LRP1: variants seen among roughly 807,000 people sequenced by gnomAD.
LRP1 encodes prolow-density lipoprotein receptor-related protein 1.
A neutral mutation model predicts 541.5 loss-of-function variants in LRP1; 51 were observed. That is an observed-to-expected ratio of 0.09 (90% CI 0.08 to 0.12). The LOEUF is 0.12. Ranked by LOEUF, LRP1 falls within the 10% of genes least tolerant of loss-of-function variation. The pLI, the probability that LRP1 is intolerant of heterozygous loss-of-function variation, is 1.00. For missense variants in LRP1, 3,878 were observed against 6,376.2 expected (o/e 0.61, Z 13.34); for synonymous variants, 2,219 against 2,470.8 (o/e 0.90, Z 3.02).
chr12:57,183,345 C>T lies in LRP1; in HGVS notation c.5663-34C>T, dbSNP rs374396510. 1.5e-5 allele frequency: 24 copies of T among 1,584,634 alleles called. No homozygotes were observed. The highest frequency in any genetic ancestry group is 3.4e-5 in the South Asian group (3 of 89,086). ...GGAACCAAGTTTAAGGGAGTGTTGG[C>T]GATACCCATGCCTTAAGTTTCCTTG... On this transcript the variant is annotated intron_variant, in intron 34 of 88. Transcript: ENST00000243077. This position sits in a 1 kb window ranked among gnomAD's most constrained non-coding sequence, Gnocchi z 6.1.
At chr12:57,209,666 C>A in intron 79 of LRP1, 26 bp from the exon 80 acceptor site, 1 of 1,610,428 alleles carries the variant, frequency 6.2e-7, no homozygotes, top group Non-Finnish European at 8.5e-7. Context: ...CCCTCAGGTC[C>A]CCTCTGACTC....
Position 57,212,093 on chromosome 12 carries a change from C to G in LRP1, c.13350-24C>G, listed in dbSNP as rs769803556. 6.2e-7 allele frequency: 1 copy of G among 1,613,692 alleles called. No homozygotes were observed. The highest frequency in any genetic ancestry group is 1.1e-5 in the South Asian group (1 of 91,030). On this transcript the variant is annotated intron_variant, in intron 87 of 88. Transcript: ENST00000243077. The surrounding 1 kb of genome is among the most constrained non-coding windows in gnomAD (Gnocchi z 5.0). Reference sequence around the variant, plus strand: ...CCTTCCCCCCCAATAATCTCTGTCTCCTTATACTCCTGCCTTTCCCCAGGG... The same window carrying G: ...CCTTCCCCCCCAATAATCTCTGTCTGCTTATACTCCTGCCTTTCCCCAGGG...
chr12:57,150,836 A>G (rs548208573), intron 6 of LRP1, among the ~76,000 whole-genome samples: 3 of 152,144 alleles, frequency 2.0e-5, no homozygotes, highest in Admixed American at 1.3e-4. Flanking sequence ...TTGGAAGGTG[A>G]CAGAACCAGA....
Position 57,156,969 on chromosome 12 carries a change from G to T in LRP1, c.1561+49G>T. On this transcript the variant is annotated intron_variant, in intron 10 of 88. Coordinates refer to ENST00000243077, the MANE Select transcript of LRP1 (RefSeq NM_002332.3). This position sits in a 1 kb window ranked among gnomAD's most constrained non-coding sequence, Gnocchi z 5.2. ...GTGCCCATTGGGAGGCTGCGGGAGG[G>T]TTCCTCAGGTGTCCCCCACAGCCCG... The T allele has an allele frequency of 6.6e-7, 1 of 1,507,188 alleles. No homozygotes were observed. The highest frequency in any genetic ancestry group is 8.9e-7 in the Non-Finnish European group (1 of 1,121,482). The allele number at this position is 1,507,188 out of a possible 1,614,324, so 93.4% of individuals were successfully genotyped here. A position where few individuals can be genotyped will look rare whatever the true frequency, so the allele number is the denominator to read the frequency against.
intron 78 of LRP1, 44 bp downstream of exon 78, chr12:57,208,861 C>A: frequency 6.7e-7 from 1 of 1,497,122 alleles, no homozygotes; most frequent in East Asian, 2.3e-5. Context: ...GGAGGGGGCC[C>A]GGCTCGCAGA....
rs2034960570 is a variant in LRP1 at position 57,128,494 on chromosome 12, G to C, written c.-471G>C. On this transcript the variant is annotated 5_prime_UTR_variant, in exon 1 of 89. Transcript: ENST00000243077. ...GCCCCCCCCTCGGCACTTCAGTCCG[G>C]GGAACAGCGGTGCGAGCTCCAGGCC... The C allele has an allele frequency of 7.3e-6, 2 of 274,412 alleles. No individual in the cohort carries two copies. Among genetic ancestry groups the C allele is most frequent in the Non-Finnish European group, 1.3e-5 (2 of 148,596 alleles). The allele number at this position is 274,412 out of a possible 1,614,324, so 17.0% of individuals were successfully genotyped here.
Position 57,198,689 on chromosome 12 carries a change from C to T in LRP1, c.9676+19C>T. 1 of 1,593,496 alleles carries T rather than the reference C, an allele frequency of 6.3e-7. No homozygotes were observed. Among genetic ancestry groups the T allele is most frequent in the South Asian group, 1.1e-5 (1 of 88,298 alleles). ...CACGTTGGTCAGTGTGCCAGTGAGG[C>T]TGTCCAGGCACAGCAGACTCAGTGG... On this transcript the variant is annotated intron_variant, in intron 60 of 88. Transcript: ENST00000243077.
chr12:57,192,100 A>G (rs931835431), intron 44 of LRP1, among the ~76,000 whole-genome samples: 8 of 2,770 alleles, frequency 2.9e-3, no homozygotes, highest in African/African-American at 5.1e-3. Flanking sequence ...CAAACATGCC[A>G]CACACACACA....
At chr12:57,135,136 A>G (rs1188007498) in intron 1 of LRP1, among the ~76,000 whole-genome samples, 1 of 152,222 alleles carries the variant, frequency 6.6e-6, no homozygotes. Flanking sequence ...TCACAGGGTT[A>G]TAGTATCTAA....
At position 57,204,341 on chromosome 12, in the gene LRP1, C is replaced by T; in HGVS notation, c.10952-69C>T. 1.4e-6 allele frequency: 2 copies of T among 1,455,508 alleles called. No homozygotes were observed. Among genetic ancestry groups the T allele is most frequent in the South Asian group, 1.7e-5 (1 of 59,964 alleles). The allele number at this position is 1,455,508 out of a possible 1,614,324, so 90.2% of individuals were successfully genotyped here. A position where few individuals can be genotyped will look rare whatever the true frequency, so the allele number is the denominator to read the frequency against. On this transcript the variant is annotated intron_variant, in intron 70 of 88. Transcript: ENST00000243077. This position sits in a 1 kb window ranked among gnomAD's most constrained non-coding sequence, Gnocchi z 5.3. Reference sequence around the variant, plus strand: ...GGTGACCCCTCTGAGCCTGGAACCCCCACCTGTGGAGACAGGGGTCTGGGT... The same window carrying T: ...GGTGACCCCTCTGAGCCTGGAACCCTCACCTGTGGAGACAGGGGTCTGGGT...
chr12:57,144,915 C>T (rs1200424007), intron 4 of LRP1, 57 bp from the exon 5 acceptor site: 1 of 1,544,614 alleles, frequency 6.5e-7, no homozygotes, highest in Admixed American at 1.7e-5. Context: ...GATGATCACC[C>T]ACTTCGTTGC....
rs555754052 is a variant in LRP1 at position 57,204,320 on chromosome 12, A to G, written c.10952-90A>G. 5.1e-4 allele frequency: 700 copies of G among 1,383,938 alleles called. No individual in the cohort carries two copies. The highest frequency in any genetic ancestry group is 6.3e-4 in the Non-Finnish European group (657 of 1,047,492). The allele number at this position is 1,383,938 out of a possible 1,614,324, so 85.7% of individuals were successfully genotyped here. A position where few individuals can be genotyped will look rare whatever the true frequency, so the allele number is the denominator to read the frequency against. On this transcript the variant is annotated intron_variant, in intron 70 of 88. Transcript: ENST00000243077. The surrounding 1 kb of genome is among the most constrained non-coding windows in gnomAD (Gnocchi z 5.3). The stretch of plus-strand genomic sequence containing the variant: ...TGGCTGTGCCACTGCTTGCCTGGTG[A>G]CCCCTCTGAGCCTGGAACCCCCACC...
intron 55 of LRP1, 89 bp from the exon 56 acceptor site, chr12:57,196,893 A>G: frequency 1.8e-6 from 2 of 1,139,712 alleles, no homozygotes; most frequent in Non-Finnish European, 1.3e-6. Flanking sequence ...GAGGCCGGGT[A>G]GAGGGAATTG....
At chr12:57,164,483 T>G (rs1331067020) in intron 15 of LRP1, 1 of 152,230 alleles carries the variant, frequency 6.6e-6, no homozygotes, top group African/African-American at 2.4e-5. Context: ...ATGTTTAGGT[T>G]GTTTCCAGTT....
chr12:57,177,360 C>A lies in LRP1; in HGVS notation c.4197-67C>A. The A allele has an allele frequency of 6.4e-7, 1 of 1,559,104 alleles. No individual in the cohort carries two copies. The highest frequency in any genetic ancestry group is 2.3e-5 in the East Asian group (1 of 44,434). On this transcript the variant is annotated intron_variant, in intron 25 of 88. Transcript: ENST00000243077. The surrounding 1 kb of genome is among the most constrained non-coding windows in gnomAD (Gnocchi z 6.8). ...TCTGCCTCCTCCCACCCTCTACCTA[C>A]GATCCCACCACAGTCGCTCCCTGAG...
rs2136700766 is a variant in LRP1 at position 57,177,506 on chromosome 12, G to T, written c.4276G>T (p.Val1426Leu). The T allele has an allele frequency of 1.9e-6, 3 of 1,613,758 alleles. No homozygotes were observed. Among genetic ancestry groups the T allele is most frequent in the Non-Finnish European group, 2.5e-6 (3 of 1,179,948 alleles). The stretch of plus-strand genomic sequence containing the variant: ...CATGAGTGGGGCTGGGCGCCGCACC[G>T]TGCACCGGGAGACCGGCTCTGGGGG... ...ASMSGAGRRT[V>L]HRETGSGGWP... Residue 1426 changes from valine to leucine, a missense_variant, in exon 26 of 89, where the codon GTG becomes TTG. Physicochemically the swap from Val to Leu is conservative, Grantham distance 32 (BLOSUM62 1). This residue lies in a region of LRP1 where 16 missense variants were observed against 18.4 expected (regional missense o/e 0.87). Transcript: ENST00000243077. The surrounding 1 kb of genome is among the most constrained non-coding windows in gnomAD (Gnocchi z 6.8).
At chr12:57,174,793 G>A (rs530033918) in intron 22 of LRP1, among the ~76,000 whole-genome samples, 1 of 152,250 alleles carries the variant, frequency 6.6e-6, no homozygotes, top group African/African-American at 2.4e-5. Flanking sequence ...GGGGAGGAGG[G>A]TGCCCATTCA....
Position 57,180,361 on chromosome 12 carries a change from C to T in LRP1, c.5268C>T (p.Leu1756=), listed in dbSNP as rs2036139256. The part of the protein sequence containing the change: ...GLAIDFPESK[L]YWISSGNHTI... ...CTATTGACTTCCCTGAAAGCAAACT[C>T]TACTGGATCAGCTCCGGGAACCATA... The change falls in exon 32 of 89, where the codon CTC becomes CTT. Residue 1756 remains leucine (L), a synonymous_variant. Transcript: ENST00000243077. The T allele has an allele frequency of 6.2e-7, 1 of 1,614,164 alleles. No individual in the cohort carries two copies. Among genetic ancestry groups the T allele is most frequent in the East Asian group, 2.2e-5 (1 of 44,888 alleles).
rs576756879 is a variant in LRP1 at position 57,155,006 on chromosome 12, GA to G, written c.1227+310del. ...GTGGTTCAGTTCCCTTTCAGCAGAT[GA>G]AAAAGCAGGATCAAAGAGGTTAGGT... On this transcript the variant is annotated intron_variant, in intron 8 of 88. Transcript: ENST00000243077. The G allele has an allele frequency of 1.1e-3, 633 of 577,628 alleles. 4 individuals are homozygous for G. Among genetic ancestry groups the G allele is most frequent in the African/African-American group, 0.01 (552 of 53,722 alleles). The allele number at this position is 577,628 out of a possible 1,614,324, so 35.8% of individuals were successfully genotyped here. A position where few individuals can be genotyped will look rare whatever the true frequency, so the allele number is the denominator to read the frequency against.
Sources: allele counts gnomAD v4.1 joint callset (sites outside exome capture counted in the v4.1 genomes callset), GRCh38; gene constraint gnomAD v4.1.1; regional missense constraint gnomAD v4.1.1; non-coding constraint Gnocchi (gnomAD v3.1); transcripts MANE v1.5; gene names NCBI Gene and HGNC (gene_info 2026-07-23, HGNC 2026-07-21).